The following EYA1 variants were observed in gnomAD, a reference collection of about 807,000 sequenced individuals.
EYA1 encodes EYA transcriptional coactivator and phosphatase 1, also known as protein phosphatase EYA1.
Under a neutral mutation model 82.0 loss-of-function variants are expected in EYA1, and 16 were observed. That is an observed-to-expected ratio of 0.20 (90% CI 0.13 to 0.30). EYA1 has a LOEUF of 0.30. Among genes scored for constraint, EYA1 ranks in the 10% least tolerant of loss-of-function variants. EYA1 has a pLI of 1.00. For missense variants in EYA1, 633 were observed against 730.7 expected (o/e 0.87, Z 1.54); for synonymous variants, 261 against 264.4 (o/e 0.99, Z 0.12).
chr8:71,212,462 AATGCTT>A (rs1172558908), intron 16 of EYA1, among the ~76,000 whole-genome samples: 1 of 152,246 alleles, frequency 6.6e-6, no homozygotes, highest in Non-Finnish European at 1.5e-5. Context: ...CTTACGGGGA[AATGCTT>A]ATGCGTTTTT....
In EYA1 at chr8:71,417,645, C is replaced by T. The variant is rs1830926962; in HGVS notation, c.34-61134G>A. Reference sequence around the variant, plus strand: ...TGGTTGTTACAACTAGGAAGTGCTACTGGCATCTAATGGGTAGACACAAGG... The same window carrying T: ...TGGTTGTTACAACTAGGAAGTGCTATTGGCATCTAATGGGTAGACACAAGG... On this transcript the variant is annotated intron_variant, in intron 2 of 18. Coordinates refer to the EYA1 transcript ENST00000643681. 2.0e-5 allele frequency among the ~76,000 whole-genome samples: 3 copies of T among 152,244 alleles called. No homozygotes were observed. In the South Asian group the frequency reaches 6.2e-4, roughly 32 times the overall value.
At chr8:71,280,409 G>A (rs1245007618) in intron 9 of EYA1, among the ~76,000 whole-genome samples, 1 of 152,158 alleles carries the variant, frequency 6.6e-6, no homozygotes, top group Admixed American at 6.5e-5. Flanking sequence ...ACCTCCCATA[G>A]CTGAATATGA....
chr8:71,533,079 T>A (rs1374259211), intron 2 of EYA1, among the ~76,000 whole-genome samples: 1 of 152,064 alleles, frequency 6.6e-6, no homozygotes, highest in Non-Finnish European at 1.5e-5. Context: ...TGATGCAAAG[T>A]GGAAACAATT....
At position 71,362,056 on chromosome 8, in the gene EYA1, A is replaced by C; in HGVS notation, c.-464T>G. The stretch of plus-strand genomic sequence containing the variant: ...TCCTTCCCCACCAAACAGCAGCGGC[A>C]GATAGCATCTGAGAACCCTAGACAA... On this transcript the variant is annotated 5_prime_UTR_variant, in exon 1 of 18. Transcript: ENST00000340726. 2.0e-6 allele frequency: 2 copies of C among 985,180 alleles called. No individual in the cohort carries two copies. The highest frequency in any genetic ancestry group is 2.4e-6 in the Non-Finnish European group (2 of 829,952). The allele number at this position is 985,180 out of a possible 1,614,324, so 61.0% of individuals were successfully genotyped here. A position where few individuals can be genotyped will look rare whatever the true frequency, so the allele number is the denominator to read the frequency against.
intron 2 of EYA1, among the ~76,000 whole-genome samples, chr8:71,492,582 A>C (rs530407096): frequency 6.4e-4 from 97 of 151,018 alleles, no homozygotes; most frequent in African/African-American, 2.3e-3. Context: ...CTCCTGCCTC[A>C]GCCTCCCCAG....
At chr8:71,354,563 C>T (rs1826653690) in intron 3 of EYA1, among the ~76,000 whole-genome samples, 1 of 152,076 alleles carries the variant, frequency 6.6e-6, no homozygotes, top group Non-Finnish European at 1.5e-5. Flanking sequence ...TATGTATATG[C>T]ATTTGGTGAA....
intron 7 of EYA1, among the ~76,000 whole-genome samples, chr8:71,308,055 C>G (rs1488411721): frequency 6.6e-6 from 1 of 152,140 alleles, no homozygotes; most frequent in African/African-American, 2.4e-5. Flanking sequence ...ATGGCTGAGG[C>G]AGGGTCCTCG....
chr8:71,269,750 C>G lies in EYA1; in HGVS notation c.1040G>C (p.Arg347Thr), dbSNP rs1202903388. 3.1e-6 allele frequency: 5 copies of G among 1,613,394 alleles called. No individual in the cohort carries two copies. Among genetic ancestry groups the G allele is most frequent in the Non-Finnish European group, 4.2e-6 (5 of 1,179,448 alleles). The change falls in exon 11 of 18, where the codon AGA becomes ACA. Residue 347 changes from arginine to threonine, a missense_variant. Coordinates refer to ENST00000340726, the MANE Select transcript of EYA1 (RefSeq NM_000503.6). ...CCTCTTGGTACTCACCCTCCCATATCTGTTGGCGTAGGACCCAGTAAGCAA... is the reference window on the plus strand; with the variant it reads ...CCTCTTGGTACTCACCCTCCCATATGTGTTGGCGTAGGACCCAGTAAGCAA... ...HSLLTGSYAN[R>T]YGRDPPTSVS...
intron 9 of EYA1, among the ~76,000 whole-genome samples, chr8:71,292,240 TG>T (rs2128989057): frequency 6.6e-6 from 1 of 152,196 alleles, no homozygotes; most frequent in South Asian, 2.1e-4. Flanking sequence ...TATACCTCAG[TG>T]GCTAGGGGAT....
chr8:71,331,285 C>CACACACAT (rs554459560), intron 4 of EYA1, among the ~76,000 whole-genome samples: 187 of 127,528 alleles, frequency 1.5e-3, no homozygotes, highest in African/African-American at 4.6e-3. Context: ...CACACACACA[C>CACACACAT]ATATATATAC....
At chr8:71,331,285 C>CATATATAT (rs1554554475) in intron 4 of EYA1, among the ~76,000 whole-genome samples, 6 of 127,542 alleles carry the variant, frequency 4.7e-5, no homozygotes, top group African/African-American at 1.7e-4. Context: ...CACACACACA[C>CATATATAT]ATATATATAC....
At chr8:71,275,700 G>T (rs1267493338) in intron 9 of EYA1, among the ~76,000 whole-genome samples, 1 of 152,152 alleles carries the variant, frequency 6.6e-6, no homozygotes, top group Non-Finnish European at 1.5e-5. Context: ...GACTGAATCT[G>T]AGTACTTTAG....
chr8:71,481,059 A>T (rs2129211846), intron 2 of EYA1, among the ~76,000 whole-genome samples: 1 of 152,298 alleles, frequency 6.6e-6, no homozygotes, highest in African/African-American at 2.4e-5. Context: ...CAAGTTGTAT[A>T]CATATTAGAA....
chr8:71,479,674 A>G (rs1484479707), intron 2 of EYA1, among the ~76,000 whole-genome samples: 4 of 144,222 alleles, frequency 2.8e-5, no homozygotes, highest in African/African-American at 1.0e-4. Context: ...TGGGGATACC[A>G]TTTTAGAGCA....
At chr8:71,396,068 T>G (rs541394214) in intron 2 of EYA1, among the ~76,000 whole-genome samples, 9 of 152,202 alleles carry the variant, frequency 5.9e-5, no homozygotes, top group Non-Finnish European at 1.3e-4. Context: ...GATTTTCTAG[T>G]TTATTTGCGT....
At chr8:71,334,703 A>T (rs1586425142) in intron 3 of EYA1, among the ~76,000 whole-genome samples, 2 of 152,294 alleles carry the variant, frequency 1.3e-5, no homozygotes, top group Middle Eastern at 3.4e-3. Context: ...GATTTAATGC[A>T]CCATCATTAC....
chr8:71,309,136 CT>C (rs1821056035), intron 7 of EYA1, among the ~76,000 whole-genome samples: 1 of 152,114 alleles, frequency 6.6e-6, no homozygotes, highest in Non-Finnish European at 1.5e-5. Context: ...CCAAAGAGAA[CT>C]TTTAACACAG....
intron 2 of EYA1, among the ~76,000 whole-genome samples, chr8:71,433,036 G>T (rs1290860269): frequency 6.6e-6 from 1 of 152,118 alleles, no homozygotes; most frequent in Non-Finnish European, 1.5e-5. Context: ...TGAAACAAAG[G>T]TTTAAAGAGA....
At chr8:71,283,431 A>C (rs1818039140) in intron 9 of EYA1, among the ~76,000 whole-genome samples, 1 of 152,168 alleles carries the variant, frequency 6.6e-6, no homozygotes, top group South Asian at 2.1e-4. Context: ...TGCCTCCAAT[A>C]GAATGTAAGT....
Sources: allele counts gnomAD v4.1 joint callset (sites outside exome capture counted in the v4.1 genomes callset), GRCh38; gene constraint gnomAD v4.1.1; transcripts MANE v1.5; gene names NCBI Gene and HGNC (gene_info 2026-07-23, HGNC 2026-07-21).